POLR1C: variants seen among roughly 807,000 people sequenced by gnomAD.
The protein encoded by POLR1C is DNA-directed RNA polymerases I and III subunit RPAC1.
POLR1C carries 42 observed loss-of-function variants against 38.3 expected under a neutral mutation model. That is an observed-to-expected ratio of 1.10 (90% CI 0.86 to 1.42). POLR1C has a LOEUF of 1.42. Among genes scored for constraint, POLR1C ranks in the 40% most tolerant of loss-of-function variants. The pLI is 0.00. For synonymous variants in POLR1C, 163 were observed against 163.9 expected (o/e 0.99, Z 0.04); for missense variants, 507 against 450.5 (o/e 1.13, Z -1.14).
chr6:43,517,707 C>T (rs1792908673), intron 2 of POLR1C, among the ~76,000 whole-genome samples: 2 of 151,848 alleles, frequency 1.3e-5, no homozygotes, highest in Non-Finnish European at 2.9e-5. Flanking sequence ...CTTAACATTT[C>T]AAGAGGAGGG....
chr6:43,541,800 T>TA (rs1794708524), intron 9 of POLR1C, among the ~76,000 whole-genome samples: 1 of 152,338 alleles, frequency 6.6e-6, no homozygotes, highest in South Asian at 2.1e-4. Context: ...TTTTTTGAGA[T>TA]AGAGTCTCAT....
At chr6:43,533,837 A>T, downstream of POLR1C, 1 of 1,240,452 alleles carries the variant, frequency 8.1e-7, no homozygotes, top group Non-Finnish European at 1.1e-6. Context: ...ACTCTTAAAA[A>T]ACAACAAAAA....
At chr6:43,561,617 GATCTGCCC>G (rs1762422294) in exon 11 of POLR1C, 1 of 152,966 alleles carries the variant, frequency 6.5e-6, no homozygotes, top group Admixed American at 6.5e-5. Flanking sequence ...GACCTCAGGT[GATCTGCCC>G]ACCTCACCCT....
At chr6:43,528,789 A>G (rs779731474) in intron 8 of POLR1C, 1 of 1,580,478 alleles carries the variant, frequency 6.3e-7, no homozygotes, top group East Asian at 2.2e-5. Flanking sequence ...AGAGGCCTTA[A>G]TAGTACTCTT....
At chr6:43,534,133 G>C (rs1036019995), downstream of POLR1C, 1 of 601,840 alleles carries the variant, frequency 1.7e-6, no homozygotes, top group Admixed American at 2.8e-5. Flanking sequence ...GCAGGGGAAA[G>C]AAAAGAAGGT....
chr6:43,546,605 G>C, intron 9 of POLR1C: 1 of 1,611,926 alleles, frequency 6.2e-7, no homozygotes, highest in South Asian at 1.1e-5. Flanking sequence ...AGAAGTTTCA[G>C]AATCTGCTCT....
At chr6:43,546,436 C>A in intron 9 of POLR1C, 3 of 838,686 alleles carry the variant, frequency 3.6e-6, no homozygotes, top group South Asian at 3.4e-5. Context: ...CTGAGACACC[C>A]TCTAGAAAGA....
chr6:43,559,039 G>A (rs922435919), intron 10 of POLR1C: 13 of 153,892 alleles, frequency 8.4e-5, no homozygotes, highest in African/African-American at 1.4e-4. Flanking sequence ...GCTCACGCCT[G>A]TAATCCCAGC....
At chr6:43,560,511 T>C (rs1052045002) in intron 10 of POLR1C, among the ~76,000 whole-genome samples, 2 of 152,206 alleles carry the variant, frequency 1.3e-5, no homozygotes, top group African/African-American at 4.8e-5. Flanking sequence ...TTACCTGGAA[T>C]GTGAGCTGAA....
intron 10 of POLR1C, chr6:43,551,547 G>C: frequency 4.8e-6 from 7 of 1,470,356 alleles, no homozygotes; most frequent in Admixed American, 1.8e-5. Flanking sequence ...TAAAGAGACA[G>C]GGTCTCATTC....
intron 2 of POLR1C, among the ~76,000 whole-genome samples, chr6:43,518,775 C>T (rs1221283346): frequency 2.6e-5 from 4 of 152,292 alleles, no homozygotes; most frequent in East Asian, 3.9e-4. Context: ...CCTCCGCCTC[C>T]CGGGTTCAAG....
At chr6:43,517,519 C>G in intron 2 of POLR1C, 142 bp downstream of exon 2, 1 of 730,138 alleles carries the variant, frequency 1.4e-6, no homozygotes, top group Non-Finnish European at 2.4e-6. Context: ...GCTCCGTTTA[C>G]AGGCCAAATT....
downstream of POLR1C, chr6:43,522,932 T>TGGAAGGCATGTATTCTTTTG: frequency 5.9e-6 from 1 of 168,856 alleles, no homozygotes; most frequent in Admixed American, 6.2e-5. Context: ...AAATGGCCTT[T>TGGAAGGCATGTATTCTTTTG]GAGAAAAGTA....
At chr6:43,549,773 A>G (rs1795140549) in intron 9 of POLR1C, 2 of 1,226,208 alleles carry the variant, frequency 1.6e-6, no homozygotes, top group South Asian at 2.8e-5. Context: ...AACAACATAT[A>G]TGATAATCTA....
rs747749279 is a variant in POLR1C, at chr6:43,520,968, A to T, written c.842A>T (p.Asp281Val). ...KVARVANPRL[D>V]TFSREIFRNE... ...GCCAGAGTTGCCAACCCCCGGCTGG[A>T]TACCTTCAGCAGAGAAATCTTCCGG... Residue 281 changes from aspartate to valine, a missense_variant, in exon 8 of 9, where the codon GAT becomes GTT. Physicochemically the swap from Asp to Val is radical, Grantham distance 152. Transcript: ENST00000642195. 6.2e-7 allele frequency: 1 copy of T among 1,614,210 alleles called. No individual in the cohort carries two copies. The highest frequency in any genetic ancestry group is 1.1e-5 in the South Asian group (1 of 91,088).
At chr6:43,524,452 TTG>T, downstream of POLR1C, 4 of 1,611,340 alleles carry the variant, frequency 2.5e-6, no homozygotes, top group Non-Finnish European at 3.4e-6. Context: ...GGGAGCACTA[TTG>T]AAGGTGCATG....
intron 9 of POLR1C, chr6:43,549,507 G>A (rs1188904116): frequency 6.2e-7 from 1 of 1,612,660 alleles, no homozygotes; most frequent in South Asian, 1.1e-5. Flanking sequence ...GCTGGGGGTA[G>A]TCACGACACA....
intron 9 of POLR1C, chr6:43,538,796 C>A: frequency 8.9e-6 from 7 of 783,694 alleles, no homozygotes; most frequent in East Asian, 2.7e-5. Context: ...ACGCTTAATT[C>A]ACTTTATTTT....
chr6:43,517,178 TG>T lies in POLR1C; in HGVS notation c.69+1del. 1 of 1,613,902 alleles carries T rather than the reference TG, an allele frequency of 6.2e-7. No homozygotes were observed. The highest frequency in any genetic ancestry group is 8.5e-7 in the Non-Finnish European group (1 of 1,179,932). On this transcript the variant is annotated splice_donor_variant, in intron 1 of 8. Transcript: ENST00000642195. LOFTEE classifies it high-confidence loss of function. ...TTCTGGGGGAGTTTGGGGTTCGCAA[TG>T]TAAGCCTTGTGGCCTTGAGCTCGGG...
Sources: gnomAD v4.1 joint callset for allele counts (sites outside exome capture counted in the v4.1 genomes callset) on GRCh38, gnomAD v4.1.1 for gene constraint, MANE v1.5 for transcripts, NCBI Gene and HGNC (gene_info 2026-07-23, HGNC 2026-07-21) for gene names.